Variants in IMPDH1 observed in about 807,000 individuals in gnomAD.
The protein encoded by IMPDH1 is inosine-5'-monophosphate dehydrogenase 1.
IMPDH1 carries 41 observed loss-of-function variants against 73.5 expected under a neutral mutation model. The ratio of observed to expected loss-of-function variants is 0.56; its 90% CI spans 0.43 to 0.72. The LOEUF is 0.72. Ranked by LOEUF, IMPDH1 falls within the 30% of genes least tolerant of loss-of-function variation. The pLI is 0.00. For synonymous variants in IMPDH1, 318 were observed against 334.3 expected (o/e 0.95, Z 0.53); for missense variants, 645 against 824.8 (o/e 0.78, Z 2.67).
Position 128,396,899 on chromosome 7 carries a change from G to T in IMPDH1, c.1165+33C>A. On this transcript the variant is annotated intron_variant, in intron 11 of 16. Coordinates refer to ENST00000338791, the MANE Select transcript of IMPDH1 (RefSeq NM_000883.4). The surrounding 1 kb of genome is among the most constrained non-coding windows in gnomAD (Gnocchi z 4.0). Reference sequence around the variant, plus strand: ...AAAGGGTTACTCATTGGAGGGGCAGGAGCAGGCGGGTGGGAGGCGACCCCG... The same window carrying T: ...AAAGGGTTACTCATTGGAGGGGCAGTAGCAGGCGGGTGGGAGGCGACCCCG... 1 of 1,480,634 alleles carries T rather than the reference G, an allele frequency of 6.8e-7. No homozygotes were observed. The highest frequency in any genetic ancestry group is 9.4e-7 in the Non-Finnish European group (1 of 1,058,720). The allele number at this position is 1,480,634 out of a possible 1,614,324, so 91.7% of individuals were successfully genotyped here.
At chr7:128,409,146 A>G (rs1584759975) in intron 3 of IMPDH1, 143 bp downstream of exon 3, 8 of 768,034 alleles carry the variant, frequency 1.0e-5, no homozygotes, top group Non-Finnish European at 1.4e-5. Flanking sequence ...GGCCCAGCTC[A>G]CTACCCTACT....
At position 128,392,683 on chromosome 7, in the gene IMPDH1, G is replaced by A. The variant is rs919134795; in HGVS notation, c.*324C>T. 3.4e-5 allele frequency: 13 copies of A among 377,024 alleles called. No individual in the cohort carries two copies. The highest frequency in any genetic ancestry group is 5.9e-5 in the Non-Finnish European group (12 of 202,316). 23.4% of individuals were successfully genotyped at this position (377,024 alleles called of 1,614,324 possible). A position where few individuals can be genotyped will look rare whatever the true frequency, so the allele number is the denominator to read the frequency against. ...GTGCCCTACAGGAGAAGCCAGGAGG[G>A]GCCGCCTGCCCCTGGGGTGGGGGCC... On this transcript the variant is annotated 3_prime_UTR_variant, in exon 17 of 17. Coordinates refer to ENST00000338791, the MANE Select transcript of IMPDH1 (RefSeq NM_000883.4).
intron 12 of IMPDH1, 123 bp from the exon 13 acceptor site, chr7:128,395,397 A>G (rs1797846637): frequency 1.7e-6 from 2 of 1,191,954 alleles, no homozygotes; most frequent in Middle Eastern, 2.8e-4. Flanking sequence ...ACAGGGCTGG[A>G]TGGTGTGTCT....
Position 128,396,897 on chromosome 7 carries a change from A to G in IMPDH1, c.1165+35T>C. 1 of 1,462,064 alleles carries G rather than the reference A, an allele frequency of 6.8e-7. No homozygotes were observed. Among genetic ancestry groups the G allele is most frequent in the Non-Finnish European group, 9.6e-7 (1 of 1,041,734 alleles). 90.6% of individuals were successfully genotyped at this position (1,462,064 alleles called of 1,614,324 possible). A position where few individuals can be genotyped will look rare whatever the true frequency, so the allele number is the denominator to read the frequency against. ...GAAAAGGGTTACTCATTGGAGGGGC[A>G]GGAGCAGGCGGGTGGGAGGCGACCC... On this transcript the variant is annotated intron_variant, in intron 11 of 16. Transcript: ENST00000338791. This position sits in a 1 kb window ranked among gnomAD's most constrained non-coding sequence, Gnocchi z 4.0.
chr7:128,408,724 G>A (rs528119983), intron 3 of IMPDH1, among the ~76,000 whole-genome samples: 20 of 151,138 alleles, frequency 1.3e-4, no homozygotes, highest in Middle Eastern at 3.4e-3. Context: ...GCCCCAACCG[G>A]CTCATTCAGC....
chr7:128,408,035 C>G (rs1798891119), intron 3 of IMPDH1, among the ~76,000 whole-genome samples: 1 of 152,216 alleles, frequency 6.6e-6, no homozygotes, highest in African/African-American at 2.4e-5. Context: ...ACCCTCAACC[C>G]CCACTCTCAT....
rs746653066 is a variant in IMPDH1 at position 128,400,305 on chromosome 7, A to C, written c.786+28T>G. ...CAGCGTGAGGGTCCTCTCTACACCC[A>C]GCCCTGCTTCCCCTGCCCTGCAGGT... is the stretch of plus-strand genomic sequence containing the variant. On this transcript the variant is annotated intron_variant, in intron 8 of 16. Transcript: ENST00000338791. 6 of 1,611,278 alleles carry C rather than the reference A, an allele frequency of 3.7e-6. No individual in the cohort carries two copies. The African/African-American group carries it at 8.0e-5, about 22-fold the overall frequency.
chr7:128,393,069 T>C, intron 16 of IMPDH1, 41 bp from the exon 17 acceptor site: 1 of 1,611,400 alleles, frequency 6.2e-7, no homozygotes, highest in Non-Finnish European at 8.5e-7. Context: ...AGTGGGTGTG[T>C]GGACCCTGCT....
Position 128,398,246 on chromosome 7 carries a change from T to C in IMPDH1, c.1074+168A>G, listed in dbSNP as rs1798066284. Among the ~76,000 whole-genome samples, 1 of 152,150 alleles carries C rather than the reference T, an allele frequency of 6.6e-6. No homozygotes were observed. The highest frequency in any genetic ancestry group is 1.5e-5 in the Non-Finnish European group (1 of 68,030). On this transcript the variant is annotated intron_variant, in intron 10 of 16. Transcript: ENST00000338791. This position sits in a 1 kb window ranked among gnomAD's most constrained non-coding sequence, Gnocchi z 4.3. ...ACCTTGAACCTCTGAGCTCAGGCAATCCTGCTGCCACCCTCCTAATTCTGA... is the reference window on the plus strand; with the variant it reads ...ACCTTGAACCTCTGAGCTCAGGCAACCCTGCTGCCACCCTCCTAATTCTGA...
In IMPDH1 at chr7:128,405,770, T is replaced by C. The variant is rs1313068845; in HGVS notation, c.350A>G (p.Tyr117Cys). 6.5e-6 allele frequency: 10 copies of C among 1,536,878 alleles called. No individual in the cohort carries two copies. The highest frequency in any genetic ancestry group is 8.8e-6 in the Non-Finnish European group (10 of 1,142,504). ...GGGTACGAGACCCGGCGCTTACTTG[T>C]AGGTGAGGCCGTCGGCGCTGGCGAA... Reference protein sequence around the residue: ...QLFASADGLTYNDFLILPGFI... With the variant: ...QLFASADGLTCNDFLILPGFI... Residue 117 changes from tyrosine to cysteine, a missense_variant, in exon 4 of 17, where the codon TAC becomes TGC. Tyr to Cys is a radical substitution (Grantham distance 194, BLOSUM62 -2). Around this residue, in one of 2 missense-constraint regions of IMPDH1, gnomAD observed 186 missense variants for 186.6 expected, o/e 1.00. Coordinates refer to ENST00000338791, the MANE Select transcript of IMPDH1 (RefSeq NM_000883.4).
Position 128,396,846 on chromosome 7 carries a change from C to T in IMPDH1, c.1165+86G>A. 8.3e-7 allele frequency: 1 copy of T among 1,209,330 alleles called. No individual in the cohort carries two copies. The highest frequency in any genetic ancestry group is 2.4e-5 in the East Asian group (1 of 42,350). 74.9% of individuals were successfully genotyped at this position (1,209,330 alleles called of 1,614,324 possible). A position where few individuals can be genotyped will look rare whatever the true frequency, so the allele number is the denominator to read the frequency against. ...CCTGCCACCCATGCCAGGAGCCATA[C>T]CATCACCTAGGGATGCTGAAGGACA... On this transcript the variant is annotated intron_variant, in intron 11 of 16. Coordinates refer to ENST00000338791, the MANE Select transcript of IMPDH1 (RefSeq NM_000883.4). This position sits in a 1 kb window ranked among gnomAD's most constrained non-coding sequence, Gnocchi z 4.0.
At chr7:128,407,800 C>T (rs1584757268) in intron 3 of IMPDH1, among the ~76,000 whole-genome samples, 1 of 152,142 alleles carries the variant, frequency 6.6e-6, no homozygotes, top group African/African-American at 2.4e-5. Flanking sequence ...TGGATTTTAC[C>T]ATCTCAGGTG....
chr7:128,400,554 G>C lies in IMPDH1; in HGVS notation c.580-15C>G. ...TGTTCAAACTTCTGCGGGCAGAGAT[G>C]GGGGAGGAAAAGGCTGGAAGAAAGC... is the stretch of plus-strand genomic sequence containing the variant. On this transcript the variant is annotated splice_polypyrimidine_tract_variant and intron_variant, in intron 7 of 16. Coordinates refer to ENST00000338791, the MANE Select transcript of IMPDH1 (RefSeq NM_000883.4). The C allele has an allele frequency of 7.5e-6, 12 of 1,608,198 alleles. No individual in the cohort carries two copies. The highest frequency in any genetic ancestry group is 1.1e-5 in the South Asian group (1 of 90,406).
intron 3 of IMPDH1, among the ~76,000 whole-genome samples, chr7:128,407,332 A>G (rs989045318): frequency 4.6e-5 from 7 of 152,114 alleles, no homozygotes; most frequent in Admixed American, 1.3e-4. Flanking sequence ...TGCCCCCGGG[A>G]CCCTGCCAGG....
intron 3 of IMPDH1, among the ~76,000 whole-genome samples, chr7:128,406,689 G>C (rs1038244968): frequency 6.6e-6 from 1 of 152,112 alleles, no homozygotes; most frequent in African/African-American, 2.4e-5. Context: ...TCTATAGTTC[G>C]GAAAGGAAGG....
rs116341746 is a variant in IMPDH1, at chr7:128,407,954, C to A, written c.254+1335G>T. Among the ~76,000 whole-genome samples, 690 of 152,284 alleles carry A rather than the reference C, an allele frequency of 4.5e-3. 9 individuals carry two copies. The highest frequency in any genetic ancestry group is 0.016 in the African/African-American group (660 of 41,558). ...ACCTCCCACTTTAACCTGTGTTGGG[C>A]TCCTCATCACTCTAAGCTGCTGGGC... On this transcript the variant is annotated intron_variant, in intron 3 of 16. Transcript: ENST00000338791.
intron 10 of IMPDH1, among the ~76,000 whole-genome samples, chr7:128,397,253 A>G (rs1485487285): frequency 1.3e-5 from 2 of 151,562 alleles, no homozygotes; most frequent in South Asian, 2.1e-4. Flanking sequence ...GCAGTCTTAG[A>G]GTACATAAGG....
At position 128,392,978 on chromosome 7, in the gene IMPDH1, C is replaced by T. The variant is rs1797634738; in HGVS notation, c.*29G>A. The T allele has an allele frequency of 1.9e-6, 3 of 1,612,790 alleles. No individual in the cohort carries two copies. The East Asian group carries it at 6.7e-5, about 36-fold the overall frequency. ...AAAAGTGGACACTGGGGTGCATCCC[C>T]TCCACCACCTCGGCCTCCACCGCTG... is the stretch of plus-strand genomic sequence containing the variant. On this transcript the variant is annotated 3_prime_UTR_variant, in exon 17 of 17. Coordinates refer to ENST00000338791, the MANE Select transcript of IMPDH1 (RefSeq NM_000883.4).
Position 128,394,746 on chromosome 7 carries a change from C to T in IMPDH1, c.1550+143G>A, listed in dbSNP as rs1485084105. ...GAGTCAGATGGCCCAGGGACAGATC[C>T]TGGGTCTGCTACTTAAGCCCTGTGC... is the stretch of plus-strand genomic sequence containing the variant. On this transcript the variant is annotated intron_variant, in intron 14 of 16. Coordinates refer to ENST00000338791, the MANE Select transcript of IMPDH1 (RefSeq NM_000883.4). This position sits in a 1 kb window ranked among gnomAD's most constrained non-coding sequence, Gnocchi z 5.5. 1 of 1,389,150 alleles carries T rather than the reference C, an allele frequency of 7.2e-7. No individual in the cohort carries two copies. Among genetic ancestry groups the T allele is most frequent in the African/African-American group, 1.4e-5 (1 of 70,640 alleles). The allele number at this position is 1,389,150 out of a possible 1,614,324, so 86.1% of individuals were successfully genotyped here.
Sources: allele counts gnomAD v4.1 joint callset (sites outside exome capture counted in the v4.1 genomes callset), GRCh38; gene constraint gnomAD v4.1.1; regional missense constraint gnomAD v4.1.1; non-coding constraint Gnocchi (gnomAD v3.1); transcripts MANE v1.5; gene names NCBI Gene and HGNC (gene_info 2026-07-23, HGNC 2026-07-21).